The following AGAP1 variants were observed in gnomAD, a reference collection of about 807,000 sequenced individuals.
AGAP1 encodes the protein ArfGAP with GTPase domain, ankyrin repeat and PH domain 1, also known as arf-GAP with GTPase, ANK repeat and PH domain-containing protein 1.
In AGAP1, 29 loss-of-function variants were observed where a neutral mutation model predicts 105.3. The observed-to-expected ratio is 0.28, with a 90% CI of 0.21 to 0.38. The LOEUF (loss-of-function observed/expected upper bound fraction) is 0.38. AGAP1 is among the 10% of genes least tolerant of loss of function. The pLI is 1.00. For missense variants in AGAP1, 998 were observed against 1,165.1 expected (o/e 0.86, Z 2.09); for synonymous variants, 509 against 485.9 (o/e 1.05, Z -0.63).
At chr2:235,652,188 A>T (rs1947617880) in intron 1 of AGAP1, among the ~76,000 whole-genome samples, 1 of 152,154 alleles carries the variant, frequency 6.6e-6, no homozygotes, top group Non-Finnish European at 1.5e-5. Flanking sequence ...TGACTGGTCA[A>T]CTGGAAGCTT....
Position 235,719,361 on chromosome 2 carries a change from TCA to T in AGAP1, c.310+1720_310+1721del, listed in dbSNP as rs1951269241. Among the ~76,000 whole-genome samples, 2 of 152,222 alleles carry T rather than the reference TCA, an allele frequency of 1.3e-5. No individual in the cohort carries two copies. On this transcript the variant is annotated intron_variant, in intron 3 of 17. Coordinates refer to ENST00000304032, the MANE Select transcript of AGAP1 (RefSeq NM_001037131.3). The surrounding 1 kb of genome is among the most constrained non-coding windows in gnomAD (Gnocchi z 4.9). Reference sequence around the variant, plus strand: ...TTTTCGCTGTTTTCCCTTTGGGCATTCACAGTGTGTTCCATTGTATTTGGGCC... The same window carrying T: ...TTTTCGCTGTTTTCCCTTTGGGCATTCAGTGTGTTCCATTGTATTTGGGCC...
chr2:235,705,098 C>A lies in AGAP1; in HGVS notation c.164-4081C>A, dbSNP rs147287177. ...GGTTCAAGCACTTCTCCTGCCTCAG[C>A]CTCCCGAGCAGCTGGGATTACAATC... On this transcript the variant is annotated intron_variant, in intron 1 of 17. Coordinates refer to ENST00000304032, the MANE Select transcript of AGAP1 (RefSeq NM_001037131.3). The surrounding 1 kb of genome is among the most constrained non-coding windows in gnomAD (Gnocchi z 4.9). Among the ~76,000 whole-genome samples the A allele has an allele frequency of 3.3e-5, 5 of 150,632 alleles. No homozygotes were observed. Among genetic ancestry groups the A allele is most frequent in the African/African-American group, 1.2e-4 (5 of 41,012 alleles).
In AGAP1 at chr2:236,080,061, C is replaced by T. The variant is rs1354943433; in HGVS notation, c.2114+30780C>T. Among the ~76,000 whole-genome samples, 1 of 152,158 alleles carries T rather than the reference C, an allele frequency of 6.6e-6. No homozygotes were observed. On this transcript the variant is annotated intron_variant, in intron 16 of 17. Coordinates refer to ENST00000304032, the MANE Select transcript of AGAP1 (RefSeq NM_001037131.3). The surrounding 1 kb of genome is among the most constrained non-coding windows in gnomAD (Gnocchi z 4.2). The stretch of plus-strand genomic sequence containing the variant: ...CCCATAGCTGTGATGTAGTCAGGGC[C>T]CCATGGCATCCGCACACATCAAGGG...
intron 1 of AGAP1, among the ~76,000 whole-genome samples, chr2:235,703,693 G>A (rs1184998370): frequency 6.6e-6 from 1 of 151,820 alleles, no homozygotes. Context: ...CCGCCTCCTG[G>A]GTCAAGCAAT....
At chr2:235,946,931 G>T (rs1575850432) in intron 12 of AGAP1, among the ~76,000 whole-genome samples, 2 of 152,226 alleles carry the variant, frequency 1.3e-5, no homozygotes, top group East Asian at 3.9e-4. Flanking sequence ...GTTTAAACGT[G>T]CCCATGTCCT....
Position 235,689,338 on chromosome 2 carries a change from GAGTGAGCCTGC to G in AGAP1, c.164-19840_164-19830del, listed in dbSNP as rs1949626338. On this transcript the variant is annotated intron_variant, in intron 1 of 17. Transcript: ENST00000304032. The surrounding 1 kb of genome is among the most constrained non-coding windows in gnomAD (Gnocchi z 4.2). ...CTGCACAGCTCACCACGCGGGCCTG[GAGTGAGCCTGC>G]TGCTGTTCATCGGCCCGTAGGGTCT... is the stretch of plus-strand genomic sequence containing the variant. 6.6e-6 allele frequency among the ~76,000 whole-genome samples: 1 copy of G among 152,256 alleles called. No homozygotes were observed. Among genetic ancestry groups the G allele is most frequent in the African/African-American group, 2.4e-5 (1 of 41,466 alleles).
In AGAP1 at chr2:235,549,154, C is replaced by T. The variant is rs1245909444; in HGVS notation, c.163+54305C>T. Reference sequence around the variant, plus strand: ...AGCCTTCTTCTTCCTGGATTTTATACCTCCTAGTTCTTTGAGGACAGTTTG... The same window carrying T: ...AGCCTTCTTCTTCCTGGATTTTATATCTCCTAGTTCTTTGAGGACAGTTTG... On this transcript the variant is annotated intron_variant, in intron 1 of 17. Transcript: ENST00000304032. This position sits in a 1 kb window ranked among gnomAD's most constrained non-coding sequence, Gnocchi z 4.2. 6.6e-6 allele frequency among the ~76,000 whole-genome samples: 1 copy of T among 152,208 alleles called. No homozygotes were observed. Among genetic ancestry groups the T allele is most frequent in the African/African-American group, 2.4e-5 (1 of 41,446 alleles).
Position 235,623,699 on chromosome 2 carries a change from C to T in AGAP1, c.164-85480C>T, listed in dbSNP as rs374364378. Among the ~76,000 whole-genome samples the T allele has an allele frequency of 6.6e-6, 1 of 152,196 alleles. No homozygotes were observed. The highest frequency in any genetic ancestry group is 1.9e-4 in the East Asian group (1 of 5,194). On this transcript the variant is annotated intron_variant, in intron 1 of 17. Transcript: ENST00000304032. This position sits in a 1 kb window ranked among gnomAD's most constrained non-coding sequence, Gnocchi z 4.5. ...ACTTTTGGATCTTCACTCCTCCCCTCATTTTGGACATTTTCTCAGAATGAA... is the reference window on the plus strand; with the variant it reads ...ACTTTTGGATCTTCACTCCTCCCCTTATTTTGGACATTTTCTCAGAATGAA...
intron 9 of AGAP1, among the ~76,000 whole-genome samples, chr2:235,833,073 G>C (rs1015431286): frequency 6.6e-6 from 1 of 152,122 alleles, no homozygotes; most frequent in East Asian, 1.9e-4. Context: ...GTGAGCCAGG[G>C]AGCATGGTAG....
rs1468916650 is a variant in AGAP1, at chr2:235,692,349, C to T, written c.164-16830C>T. ...GACCTTGCCTTCTCCAGCACTGGGC[C>T]GTCCACTTTGCTCCTTTGTGCCTGC... On this transcript the variant is annotated intron_variant, in intron 1 of 17. Coordinates refer to ENST00000304032, the MANE Select transcript of AGAP1 (RefSeq NM_001037131.3). This position sits in a 1 kb window ranked among gnomAD's most constrained non-coding sequence, Gnocchi z 5.8. 2.6e-5 allele frequency among the ~76,000 whole-genome samples: 4 copies of T among 152,052 alleles called. No homozygotes were observed. The highest frequency in any genetic ancestry group is 2.1e-4 in the South Asian group (1 of 4,814).
At position 235,670,186 on chromosome 2, in the gene AGAP1, C is replaced by T. The variant is rs1409120328; in HGVS notation, c.164-38993C>T. 22 of 585,386 alleles carry T rather than the reference C, an allele frequency of 3.8e-5. No homozygotes were observed. In the East Asian group the frequency reaches 4.1e-4, roughly 11 times the overall value. The allele number at this position is 585,386 out of a possible 1,614,324, so 36.3% of individuals were successfully genotyped here. A position where few individuals can be genotyped will look rare whatever the true frequency, so the allele number is the denominator to read the frequency against. ...GGACGCCCCCCAGAAAGACTGTCTA[C>T]CGCATCTCCGTGACCATGGTCAGGA... On this transcript the variant is annotated intron_variant, in intron 1 of 17. Coordinates refer to ENST00000304032, the MANE Select transcript of AGAP1 (RefSeq NM_001037131.3).
intron 11 of AGAP1, among the ~76,000 whole-genome samples, chr2:235,914,464 A>G (rs1026093536): frequency 1.3e-5 from 2 of 151,958 alleles, no homozygotes; most frequent in Non-Finnish European, 2.9e-5. Context: ...TAAGTGCTGA[A>G]GGGCCATATG....
chr2:235,784,094 T>C (rs1956457108), intron 6 of AGAP1, among the ~76,000 whole-genome samples: 1 of 152,166 alleles, frequency 6.6e-6, no homozygotes, highest in South Asian at 2.1e-4. Context: ...TTCAAATTTT[T>C]TTTGTATGCT....
rs752403570 is a variant in AGAP1, at chr2:235,577,111, T to C, written c.163+82262T>C. 3.3e-5 allele frequency among the ~76,000 whole-genome samples: 5 copies of C among 152,180 alleles called. No homozygotes were observed. Among genetic ancestry groups the C allele is most frequent in the Non-Finnish European group, 5.9e-5 (4 of 68,036 alleles). ...CCCTTGTACCTCTGTCCAGTGGAAG[T>C]AGAATGCCAGCCACATACGTCATTT... On this transcript the variant is annotated intron_variant, in intron 1 of 17. Transcript: ENST00000304032. This position sits in a 1 kb window ranked among gnomAD's most constrained non-coding sequence, Gnocchi z 4.5.
At position 235,754,490 on chromosome 2, in the gene AGAP1, TGTACCGAGG is replaced by T. The variant is rs1953747011; in HGVS notation, c.673+4003_673+4011del. Reference sequence around the variant, plus strand: ...CGGAGGCCATGTTCCTGATTGGCTCTGTACCGAGGTTCATTTAAAAGGCCAGGGACCTCA... The same window carrying T: ...CGGAGGCCATGTTCCTGATTGGCTCTTTCATTTAAAAGGCCAGGGACCTCA... On this transcript the variant is annotated intron_variant, in intron 6 of 17. Transcript: ENST00000304032. This position sits in a 1 kb window ranked among gnomAD's most constrained non-coding sequence, Gnocchi z 4.6. Among the ~76,000 whole-genome samples the T allele has an allele frequency of 6.6e-6, 1 of 152,136 alleles. No homozygotes were observed. Among genetic ancestry groups the T allele is most frequent in the South Asian group, 2.1e-4 (1 of 4,828 alleles).
intron 11 of AGAP1, among the ~76,000 whole-genome samples, chr2:235,912,754 C>A: frequency 6.6e-6 from 1 of 152,202 alleles, no homozygotes; most frequent in Non-Finnish European, 1.5e-5. Flanking sequence ...CTCTTCCCAT[C>A]CATAGCCATC....
rs1944000039 is a variant in AGAP1, at chr2:235,557,112, T to A, written c.163+62263T>A. 6.6e-6 allele frequency among the ~76,000 whole-genome samples: 1 copy of A among 151,846 alleles called. No homozygotes were observed. The highest frequency in any genetic ancestry group is 1.5e-5 in the Non-Finnish European group (1 of 67,966). On this transcript the variant is annotated intron_variant, in intron 1 of 17. Coordinates refer to ENST00000304032, the MANE Select transcript of AGAP1 (RefSeq NM_001037131.3). The surrounding 1 kb of genome is among the most constrained non-coding windows in gnomAD (Gnocchi z 4.7). ...TGGGGTGAGCTCTGGAGCCCGTGGG[T>A]CTGGTTGTCTTGCTGACCTGGTCTG...
In AGAP1 at chr2:235,864,487, C is replaced by T. The variant is rs1241613168; in HGVS notation, c.1051-18858C>T. Among the ~76,000 whole-genome samples the T allele has an allele frequency of 1.3e-5, 2 of 152,114 alleles. No homozygotes were observed. Among genetic ancestry groups the T allele is most frequent in the South Asian group, 4.1e-4 (2 of 4,824 alleles). Reference sequence around the variant, plus strand: ...TGGGTGGGAGGAGGAGGTGGGCGGCCGGAAGGTGGTTGAGCGTTTCCGCTC... The same window carrying T: ...TGGGTGGGAGGAGGAGGTGGGCGGCTGGAAGGTGGTTGAGCGTTTCCGCTC... On this transcript the variant is annotated intron_variant, in intron 9 of 17. Transcript: ENST00000304032. This position sits in a 1 kb window ranked among gnomAD's most constrained non-coding sequence, Gnocchi z 5.0.
chr2:235,730,479 A>T (rs1041625757), intron 3 of AGAP1, among the ~76,000 whole-genome samples: 4 of 145,632 alleles, frequency 2.7e-5, no homozygotes, highest in South Asian at 2.2e-4. Flanking sequence ...TTACCTTTTA[A>T]AAAAAAAAAA....
Sources: allele counts gnomAD v4.1 joint callset (sites outside exome capture counted in the v4.1 genomes callset), GRCh38; gene constraint gnomAD v4.1.1; non-coding constraint Gnocchi (gnomAD v3.1); transcripts MANE v1.5; gene names NCBI Gene and HGNC (gene_info 2026-07-23, HGNC 2026-07-21).